The following PDE7A variants were observed in gnomAD, a reference collection of about 807,000 sequenced individuals.
PDE7A encodes high affinity 3',5'-cyclic-AMP phosphodiesterase 7A.
Under a neutral mutation model 64.3 loss-of-function variants are expected in PDE7A, and 39 were observed. The observed-to-expected ratio is 0.61, with a 90% CI of 0.47 to 0.79. The LOEUF (loss-of-function observed/expected upper bound fraction) is 0.79. PDE7A is among the 30% of genes least tolerant of loss of function. PDE7A has a pLI of 0.00. For missense variants in PDE7A, 470 were observed against 582.8 expected (o/e 0.81, Z 1.99); for synonymous variants, 203 against 206.8 (o/e 0.98, Z 0.16).
At chr8:65,742,417 G>C (rs1027878045) in intron 5 of PDE7A, among the ~76,000 whole-genome samples, 2 of 152,160 alleles carry the variant, frequency 1.3e-5, no homozygotes, top group Non-Finnish European at 2.9e-5. Context: ...CATCCTACCA[G>C]ACAATAACTA....
intron 3 of PDE7A, among the ~76,000 whole-genome samples, chr8:65,756,700 G>A (rs919835679): frequency 1.2e-4 from 19 of 152,242 alleles, no homozygotes; most frequent in African/African-American, 4.1e-4. Context: ...AAACATTTAA[G>A]ATAGTTCATT....
At chr8:65,778,759 G>A (rs1809327061) in intron 3 of PDE7A, among the ~76,000 whole-genome samples, 1 of 152,190 alleles carries the variant, frequency 6.6e-6, no homozygotes, top group African/African-American at 2.4e-5. Flanking sequence ...CTTAAGGGAT[G>A]AGTAACATCT....
At chr8:65,839,223 T>TAAA (rs1554572851) in intron 1 of PDE7A, among the ~76,000 whole-genome samples, 2 of 149,726 alleles carry the variant, frequency 1.3e-5, no homozygotes, top group African/African-American at 4.9e-5. Context: ...GTCTTTTTTT[T>TAAA]AAAAAAAAAA....
chr8:65,805,903 G>A (rs938970449), intron 1 of PDE7A, among the ~76,000 whole-genome samples: 5 of 152,148 alleles, frequency 3.3e-5, no homozygotes, highest in Admixed American at 3.3e-4. Flanking sequence ...AAACTTATAT[G>A]AGTCTTTCTT....
intron 3 of PDE7A, among the ~76,000 whole-genome samples, chr8:65,760,595 A>G (rs1808440819): frequency 6.6e-6 from 1 of 152,216 alleles, no homozygotes; most frequent in South Asian, 2.1e-4. Flanking sequence ...AATATGATCT[A>G]AGAAAAGGGA....
chr8:65,744,281 G>A (rs764469089), intron 5 of PDE7A, among the ~76,000 whole-genome samples: 1 of 151,840 alleles, frequency 6.6e-6, no homozygotes, highest in African/African-American at 2.4e-5. Context: ...AAATGGAAAT[G>A]GAAATGAACA....
intron 5 of PDE7A, among the ~76,000 whole-genome samples, chr8:65,744,905 A>G (rs888094710): frequency 2.0e-5 from 3 of 152,222 alleles, no homozygotes; most frequent in Non-Finnish European, 4.4e-5. Context: ...TCACTTAAAA[A>G]GAGAAAAAAA....
At chr8:65,783,087 C>A (rs932885947) in intron 1 of PDE7A, among the ~76,000 whole-genome samples, 7 of 152,098 alleles carry the variant, frequency 4.6e-5, no homozygotes, top group Admixed American at 3.3e-4. Context: ...CACATGCAGC[C>A]TCTCTTTGGA....
chr8:65,801,744 A>AT (rs1340231815), intron 1 of PDE7A, among the ~76,000 whole-genome samples: 1 of 152,196 alleles, frequency 6.6e-6, no homozygotes, highest in Non-Finnish European at 1.5e-5. Context: ...GATCTCTTGG[A>AT]TTTGTTACCC....
intron 1 of PDE7A, among the ~76,000 whole-genome samples, chr8:65,840,423 C>CACAT (rs113620718): frequency 0.34 from 50,851 of 151,268 alleles, 8,889 homozygotes; most frequent in Middle Eastern, 0.41. Context: ...CACACACACA[C>CACAT]ACACACACCT....
rs1306774067 is a variant in PDE7A, at chr8:65,714,732, A to G, written c.*4558T>C. On this transcript the variant is annotated 3_prime_UTR_variant, in exon 13 of 13. Coordinates refer to ENST00000401827, the MANE Select transcript of PDE7A (RefSeq NM_001242318.3). ...AAAATATTTATACATGCTTGAAAAC[A>G]CTGGAAATACCTGATGTGAGAGTTT... 1 of 152,198 alleles carries G rather than the reference A, an allele frequency of 6.6e-6. No individual in the cohort carries two copies. Among genetic ancestry groups the G allele is most frequent in the Non-Finnish European group, 1.5e-5 (1 of 68,032 alleles). The allele number at this position is 152,198 out of a possible 1,614,324, so 9.4% of individuals were successfully genotyped here.
intron 1 of PDE7A, among the ~76,000 whole-genome samples, chr8:65,808,149 T>C (rs1447986744): frequency 6.6e-6 from 1 of 152,212 alleles, no homozygotes; most frequent in Non-Finnish European, 1.5e-5. Context: ...TAGAGAAGAC[T>C]GGAATAGGAA....
chr8:65,788,208 TAGA>T (rs1809611649), intron 1 of PDE7A, among the ~76,000 whole-genome samples: 1 of 152,126 alleles, frequency 6.6e-6, no homozygotes, highest in South Asian at 2.1e-4. Context: ...ATCATTTTTA[TAGA>T]AGAATAGAAA....
intron 7 of PDE7A, among the ~76,000 whole-genome samples, chr8:65,731,197 A>G (rs538478533): frequency 5.5e-4 from 84 of 152,258 alleles, no homozygotes; most frequent in African/African-American, 1.9e-3. Context: ...TATCTTACTC[A>G]TATTTTTGTC....
intron 3 of PDE7A, among the ~76,000 whole-genome samples, chr8:65,769,247 C>CAAAAAAAAAAA (rs61554087): frequency 2.7e-5 from 2 of 74,458 alleles, no homozygotes; most frequent in African/African-American, 5.1e-5. Context: ...GACTCAGTCT[C>CAAAAAAAAAAA]AAAAAAAAAA....
intron 1 of PDE7A, among the ~76,000 whole-genome samples, chr8:65,796,707 G>A (rs1404102105): frequency 1.3e-5 from 2 of 151,626 alleles, no homozygotes; most frequent in African/African-American, 4.8e-5. Context: ...CCATATAAAG[G>A]ACATCTATTA....
rs935731383 is a variant in PDE7A at position 65,834,503 on chromosome 8, A to G, written c.138+6868T>C. On this transcript the variant is annotated intron_variant, in intron 1 of 12. Coordinates refer to ENST00000401827, the MANE Select transcript of PDE7A (RefSeq NM_001242318.3). ...CATTGTTCAAGGGTCAGCTGTAATTATAATTGTTACTAAAGCAAAACTACT... is the reference window on the plus strand; with the variant it reads ...CATTGTTCAAGGGTCAGCTGTAATTGTAATTGTTACTAAAGCAAAACTACT... 2.6e-5 allele frequency among the ~76,000 whole-genome samples: 4 copies of G among 152,200 alleles called. No individual in the cohort carries two copies. The South Asian group carries it at 6.2e-4, about 24-fold the overall frequency.
intron 1 of PDE7A, among the ~76,000 whole-genome samples, chr8:65,797,232 C>G (rs772567905): frequency 1.3e-5 from 2 of 152,130 alleles, no homozygotes; most frequent in Non-Finnish European, 2.9e-5. Flanking sequence ...TAAATGTGAC[C>G]TCATTTGGAA....
In PDE7A at chr8:65,727,286, T is replaced by C; in HGVS notation, c.712A>G (p.Thr238Ala). The C allele has an allele frequency of 6.2e-7, 1 of 1,612,436 alleles. No individual in the cohort carries two copies. The highest frequency in any genetic ancestry group is 8.5e-7 in the Non-Finnish European group (1 of 1,178,724). ...LKEPKLANSV[T>A]PWDILLSLIA... ...AAGCTCAGCAAGATATCCCAAGGAG[T>C]TACAGAATTGGCAAGCTGAAGTGTG... Residue 238 changes from threonine to alanine, a missense_variant, in exon 8 of 13, where the codon ACT becomes GCT. Transcript: ENST00000401827.
Sources: allele counts gnomAD v4.1 joint callset (sites outside exome capture counted in the v4.1 genomes callset), GRCh38; gene constraint gnomAD v4.1.1; transcripts MANE v1.5; gene names NCBI Gene and HGNC (gene_info 2026-07-23, HGNC 2026-07-21).